Variants in SLC47A2 observed in about 807,000 individuals in gnomAD.
SLC47A2 encodes solute carrier family 47 member 2.
A neutral mutation model predicts 67.7 loss-of-function variants in SLC47A2; 52 were observed. The ratio of observed to expected loss-of-function variants is 0.77; its 90% confidence interval spans 0.61 to 0.97. The LOEUF (loss-of-function observed/expected upper bound fraction) is 0.97. Ranked by LOEUF, SLC47A2 falls within the 50% of genes least tolerant of loss-of-function variation. The pLI is 0.00. For missense variants in SLC47A2, 676 were observed against 712.3 expected (o/e 0.95, Z 0.58); for synonymous variants, 278 against 292.9 (o/e 0.95, Z 0.52).
intron 1 of SLC47A2, chr17:19,716,101 G>T (rs1380900190): frequency 1.5e-5 from 4 of 272,948 alleles, no homozygotes; most frequent in South Asian, 2.1e-4. Flanking sequence ...CCCCTGCGAA[G>T]GTGCTGCAGG....
chr17:19,715,226 C>G lies in SLC47A2; in HGVS notation c.124-9G>C. 1 of 1,607,022 alleles carries G rather than the reference C, an allele frequency of 6.2e-7. No individual in the cohort carries two copies. Among genetic ancestry groups the G allele is most frequent in the Non-Finnish European group, 8.5e-7 (1 of 1,179,652 alleles). On this transcript the variant is annotated splice_polypyrimidine_tract_variant and intron_variant, in intron 1 of 16. Transcript: ENST00000433844. The stretch of plus-strand genomic sequence containing the variant: ...AGCACCTGGAACAGGAACTGGAGGA[C>G]AGCGGCCAGGTCAGACTCGGGGCCA...
chr17:19,704,988 G>A (rs890265142), intron 10 of SLC47A2: 3 of 369,202 alleles, frequency 8.1e-6, no homozygotes, highest in African/African-American at 4.2e-5. Flanking sequence ...ACCATACCTG[G>A]CTAACTTTTT....
At chr17:19,707,175 C>T (rs2085963302) in intron 8 of SLC47A2, among the ~76,000 whole-genome samples, 1 of 151,954 alleles carries the variant, frequency 6.6e-6, no homozygotes, top group Non-Finnish European at 1.5e-5. Flanking sequence ...ACTGGGCAAG[C>T]TTGGAAGGGG....
At chr17:19,704,521 TC>T in intron 10 of SLC47A2, 1 of 945,896 alleles carries the variant, frequency 1.1e-6, no homozygotes, top group Admixed American at 2.9e-5. Context: ...CCAGAAAAGC[TC>T]CCTGTAAGAA....
Position 19,682,535 on chromosome 17 carries a change from C to T in SLC47A2, c.1165-865G>A, listed in dbSNP as rs535624684. Among the ~76,000 whole-genome samples the T allele has an allele frequency of 4.6e-5, 7 of 152,332 alleles. No homozygotes were observed. The East Asian group carries it at 1.2e-3, about 25-fold the overall frequency. On this transcript the variant is annotated intron_variant, in intron 13 of 16. Transcript: ENST00000433844. Reference sequence around the variant, plus strand: ...CATTGGCTGGTGGCCCCACATCACTCTAACCTCTGCTTCCAGCCTCACATC... The same window carrying T: ...CATTGGCTGGTGGCCCCACATCACTTTAACCTCTGCTTCCAGCCTCACATC...
chr17:19,696,478 ATAG>A (rs2085668393), intron 13 of SLC47A2, among the ~76,000 whole-genome samples: 2 of 131,752 alleles, frequency 1.5e-5, no homozygotes, highest in South Asian at 4.6e-4. Flanking sequence ...AAAAAAAAAA[ATAG>A]AGAGAATTTG....
At chr17:19,709,337 C>G (rs1191866328) in intron 5 of SLC47A2, among the ~76,000 whole-genome samples, 2 of 152,168 alleles carry the variant, frequency 1.3e-5, no homozygotes, top group Non-Finnish European at 2.9e-5. Context: ...GGGCACTGTA[C>G]CTACCCTTTC....
At chr17:19,686,561 C>A (rs2085433374) in intron 13 of SLC47A2, among the ~76,000 whole-genome samples, 1 of 152,148 alleles carries the variant, frequency 6.6e-6, no homozygotes. Flanking sequence ...AAGATGCACA[C>A]TTCACCTACA....
Position 19,708,679 on chromosome 17 carries a change from T to C in SLC47A2, c.531+37A>G, listed in dbSNP as rs760034324. 12 of 1,613,028 alleles carry C rather than the reference T, an allele frequency of 7.4e-6. No individual in the cohort carries two copies. The East Asian group carries it at 1.6e-4, about 21-fold the overall frequency. ...CTCCCACTGGAATAGGGCAGTGTGC[T>C]GGGAGAAGGGCCTCCCCACACACCA... On this transcript the variant is annotated intron_variant, in intron 6 of 16. Coordinates refer to ENST00000433844, the MANE Select transcript of SLC47A2 (RefSeq NM_001099646.3).
chr17:19,713,723 C>T, intron 4 of SLC47A2, 102 bp downstream of exon 4: 1 of 1,496,088 alleles, frequency 6.7e-7, no homozygotes, highest in Non-Finnish European at 9.0e-7. Flanking sequence ...GCACTCGTGG[C>T]CTAGAGAAGC....
At chr17:19,714,364 G>T in intron 3 of SLC47A2, 1 of 415,382 alleles carries the variant, frequency 2.4e-6, no homozygotes, top group Non-Finnish European at 4.4e-6. Flanking sequence ...AAGCAGGGAG[G>T]TTCCTTCTGT....
chr17:19,717,706 C>G (rs569136275), upstream of SLC47A2: 41 of 144,726 alleles, frequency 2.8e-4, no homozygotes, highest in African/African-American at 7.7e-4. Flanking sequence ...GGAGGCAGGA[C>G]AAATACAAAA....
chr17:19,681,170 G>A (rs1161234677), intron 15 of SLC47A2, among the ~76,000 whole-genome samples, 197 bp downstream of exon 15: 7 of 151,846 alleles, frequency 4.6e-5, no homozygotes, highest in African/African-American at 7.3e-5. Context: ...CTGAGATCGC[G>A]CCACTGCACT....
In SLC47A2 at chr17:19,716,514, G is replaced by A; in HGVS notation, c.42C>T (p.Gly14=). 6.2e-7 allele frequency: 1 copy of A among 1,612,152 alleles called. No homozygotes were observed. The highest frequency in any genetic ancestry group is 1.1e-5 in the South Asian group (1 of 90,594). Residue 14 remains glycine (G), a synonymous_variant, in exon 1 of 17, where the codon GGC becomes GGT. Coordinates refer to ENST00000433844, the MANE Select transcript of SLC47A2 (RefSeq NM_001099646.3). Reference sequence around the variant, plus strand: ...CCAGCCTGCTGAGGGCAGGGCAGCAGCCCCCATGGTCCAGGGCCACTGTGT... The same window carrying A: ...CCAGCCTGCTGAGGGCAGGGCAGCAACCCCCATGGTCCAGGGCCACTGTGT... ...LQDTVALDHG[G]CCPALSRLVP... is the part of the protein sequence containing the mutation.
intron 5 of SLC47A2, among the ~76,000 whole-genome samples, chr17:19,709,409 C>A (rs141279468): frequency 1.3e-5 from 2 of 152,124 alleles, no homozygotes; most frequent in South Asian, 4.1e-4. Flanking sequence ...GCCCTTGTCC[C>A]ATTCCTTCCT....
intron 8 of SLC47A2, 136 bp downstream of exon 8, chr17:19,707,610 G>A (rs187614075): frequency 1.2e-5 from 8 of 684,436 alleles, no homozygotes; most frequent in East Asian, 8.3e-5. Context: ...AAAGGGGAAG[G>A]AGGGGGCCGT....
intron 1 of SLC47A2, among the ~76,000 whole-genome samples, chr17:19,715,455 G>A (rs754508562): frequency 7.2e-5 from 5 of 69,752 alleles, no homozygotes; most frequent in East Asian, 4.3e-4. Context: ...CTGGCGCAGC[G>A]CAGTGCCTGG....
At chr17:19,717,521 G>A (rs917436396), upstream of SLC47A2, 1 of 152,814 alleles carries the variant, frequency 6.5e-6, no homozygotes, top group Non-Finnish European at 1.5e-5. Context: ...GGAGGAGTGA[G>A]CGAGGGGGGC....
At chr17:19,695,515 CAA>C (rs201305334) in intron 13 of SLC47A2, among the ~76,000 whole-genome samples, 6 of 91,390 alleles carry the variant, frequency 6.6e-5, no homozygotes, top group Admixed American at 1.2e-4. Flanking sequence ...AAAAAAACAG[CAA>C]AAAAAAAAAA....
Sources: gnomAD v4.1 joint callset for allele counts (sites outside exome capture counted in the v4.1 genomes callset) on GRCh38, gnomAD v4.1.1 for gene constraint, MANE v1.5 for transcripts, NCBI Gene and HGNC (gene_info 2026-07-23, HGNC 2026-07-21) for gene names.